Variants in ZNF566 observed in about 807,000 individuals in gnomAD.
The protein encoded by ZNF566 is zinc finger protein 566.
In ZNF566, 27 loss-of-function variants were observed where a neutral mutation model predicts 32.8. The ratio of observed to expected loss-of-function variants is 0.82; its 90% CI spans 0.61 to 1.14. The LOEUF is 1.14. ZNF566 is among the 50% of genes most tolerant of loss of function. The pLI, the probability that ZNF566 is intolerant of heterozygous loss-of-function variation, is 0.00. For missense variants in ZNF566, 402 were observed against 490.4 expected, an observed-to-expected ratio of 0.82 and a Z score of 1.70; for synonymous variants, 154 against 159.5, an observed-to-expected ratio of 0.97 and a Z score of 0.26.
chr19:36,467,802 A>G (rs1435622934), intron 4 of ZNF566, among the ~76,000 whole-genome samples: 368 of 21,566 alleles, frequency 0.017, 16 homozygotes, highest in African/African-American at 0.061. Flanking sequence ...AAAAAAAAAA[A>G]AAAAAAAAAA....
At position 36,447,205 on chromosome 19, in the gene ZNF566, TG is replaced by T. The variant is rs2033016130; in HGVS notation, c.*1771del. 6.6e-6 allele frequency: 1 copy of T among 152,014 alleles called. No homozygotes were observed. Among genetic ancestry groups the T allele is most frequent in the Non-Finnish European group, 1.5e-5 (1 of 68,006 alleles). The allele number at this position is 152,014 out of a possible 1,614,324, so 9.4% of individuals were successfully genotyped here. On this transcript the variant is annotated 3_prime_UTR_variant, in exon 5 of 5. Coordinates refer to ENST00000452939, the MANE Select transcript of ZNF566 (RefSeq NM_001145344.1). ...TAAGTTTTGTATTTTTGAGTAAAAA[TG>T]GGGTTTCAACATGTTGGCCAGGCTG...
chr19:36,471,232 AT>A (rs370497658), intron 4 of ZNF566, among the ~76,000 whole-genome samples: 55 of 144,864 alleles, frequency 3.8e-4, no homozygotes, highest in Non-Finnish European at 4.7e-4. Flanking sequence ...AAAAAAAAAA[AT>A]AATGAGTTGC....
intron 4 of ZNF566, among the ~76,000 whole-genome samples, chr19:36,467,485 G>T (rs1019506764): frequency 6.8e-6 from 1 of 147,094 alleles, no homozygotes; most frequent in Non-Finnish European, 1.5e-5. Context: ...TTGAAAATGT[G>T]TGCTAAAACT....
intron 4 of ZNF566, among the ~76,000 whole-genome samples, chr19:36,471,796 G>A (rs552732163): frequency 2.1e-4 from 32 of 152,096 alleles, no homozygotes; most frequent in African/African-American, 7.0e-4. Context: ...AGGCTGGAGT[G>A]CAGTGGCGTA....
Position 36,445,990 on chromosome 19 carries a change from A to T in ZNF566, c.*2987T>A, listed in dbSNP as rs2032983643. The T allele has an allele frequency of 6.6e-6, 1 of 152,260 alleles. No individual in the cohort carries two copies. The highest frequency in any genetic ancestry group is 2.1e-4 in the South Asian group (1 of 4,834). The allele number at this position is 152,260 out of a possible 1,614,324, so 9.4% of individuals were successfully genotyped here. ...AGTGGTTGAAAAGGCATTGGTAAATAACACTGTGGAACATACTGTAACCAT... is the reference window on the plus strand; with the variant it reads ...AGTGGTTGAAAAGGCATTGGTAAATTACACTGTGGAACATACTGTAACCAT... On this transcript the variant is annotated 3_prime_UTR_variant, in exon 5 of 5. Coordinates refer to ENST00000452939, the MANE Select transcript of ZNF566 (RefSeq NM_001145344.1).
At chr19:36,451,783 C>T (rs566347211) in intron 4 of ZNF566, among the ~76,000 whole-genome samples, 3 of 151,992 alleles carry the variant, frequency 2.0e-5, no homozygotes, top group Non-Finnish European at 4.4e-5. Context: ...CGAGGCGGGC[C>T]GATCACGAGG....
rs1406934616 is a variant in ZNF566 at position 36,445,738 on chromosome 19, G to C, written c.*3239C>G. On this transcript the variant is annotated 3_prime_UTR_variant, in exon 5 of 5. Coordinates refer to ENST00000452939, the MANE Select transcript of ZNF566 (RefSeq NM_001145344.1). The stretch of plus-strand genomic sequence containing the variant: ...GGAGGCTGAGGCAGGAGAATCTCTT[G>C]AACCCGGGAGGCGGAGATTGCAGTA... 1 of 152,216 alleles carries C rather than the reference G, an allele frequency of 6.6e-6. No individual in the cohort carries two copies. Among genetic ancestry groups the C allele is most frequent in the East Asian group, 1.9e-4 (1 of 5,194 alleles). The allele number at this position is 152,216 out of a possible 1,614,324, so 9.4% of individuals were successfully genotyped here.
Position 36,448,645 on chromosome 19 carries a change from A to G in ZNF566, c.*332T>C. On this transcript the variant is annotated 3_prime_UTR_variant, in exon 5 of 5. Transcript: ENST00000452939. ...AATTAGGGGAAAAAATGACAATCAC[A>G]GGACTACATTTCTACAAAAATTCTC... 1 of 183,190 alleles carries G rather than the reference A, an allele frequency of 5.5e-6. No homozygotes were observed. The allele number at this position is 183,190 out of a possible 1,614,324, so 11.3% of individuals were successfully genotyped here. A position where few individuals can be genotyped will look rare whatever the true frequency, so the allele number is the denominator to read the frequency against.
intron 1 of ZNF566, among the ~76,000 whole-genome samples, chr19:36,482,136 C>T (rs1021311014): frequency 6.6e-6 from 1 of 152,296 alleles, no homozygotes; most frequent in African/African-American, 2.4e-5. Context: ...GACGGAGTCT[C>T]GCTCTGTCGC....
intron 1 of ZNF566, among the ~76,000 whole-genome samples, chr19:36,486,868 C>T (rs1028466137): frequency 5.3e-5 from 8 of 151,160 alleles, no homozygotes; most frequent in African/African-American, 1.9e-4. Flanking sequence ...ACTTATAATC[C>T]CAGGATTTTG....
chr19:36,457,483 C>A (rs1044849609), intron 4 of ZNF566, among the ~76,000 whole-genome samples: 1 of 152,046 alleles, frequency 6.6e-6, no homozygotes, highest in African/African-American at 2.4e-5. Flanking sequence ...AAACAAATAA[C>A]CCAATTAAAA....
intron 1 of ZNF566, among the ~76,000 whole-genome samples, chr19:36,482,231 C>T (rs528538062): frequency 6.6e-6 from 1 of 152,096 alleles, no homozygotes; most frequent in Non-Finnish European, 1.5e-5. Context: ...TCAGCCTCTC[C>T]AGTAGCTGGG....
intron 1 of ZNF566, among the ~76,000 whole-genome samples, chr19:36,486,118 C>T (rs1160164114): frequency 6.6e-6 from 1 of 152,066 alleles, no homozygotes; most frequent in Admixed American, 6.6e-5. Context: ...CTGGCCAGTA[C>T]TCTTCAAAAG....
Position 36,449,014 on chromosome 19 carries a change from T to C in ZNF566, c.1220A>G (p.Asp407Gly), listed in dbSNP as rs1020579920. The C allele has an allele frequency of 3.7e-6, 6 of 1,602,692 alleles. No individual in the cohort carries two copies. The highest frequency in any genetic ancestry group is 2.2e-5 in the East Asian group (1 of 44,822). Residue 407 changes from aspartate (D) to glycine (G), a missense_variant, in exon 5 of 5, where the codon GAC becomes GGC. This residue lies in a region of ZNF566 where 47 missense variants were observed against 38.5 expected (regional missense o/e 1.22). Coordinates refer to ENST00000452939, the MANE Select transcript of ZNF566 (RefSeq NM_001145344.1). ...ATTTTGATGCTGAATAAGTTGTGGG[T>C]CATAATTAAAGTTCTTTCCACATTC... ...YRECGKNFNY[D>G]PQLIQHQNLY...
In ZNF566 at chr19:36,472,950, A is replaced by T; in HGVS notation, c.193T>A (p.Trp65Arg). 1.2e-6 allele frequency: 2 copies of T among 1,614,086 alleles called. No individual in the cohort carries two copies. The highest frequency in any genetic ancestry group is 1.7e-6 in the Non-Finnish European group (2 of 1,179,994). ...ISYLEQGKEP[W>R]LADRELTRGQ... Reference sequence around the variant, plus strand: ...CTTGTTAGCTCTCTGTCAGCCAACCAGGGCTCCTTCCCTTGCTCCAAGTAG... The same window carrying T: ...CTTGTTAGCTCTCTGTCAGCCAACCTGGGCTCCTTCCCTTGCTCCAAGTAG... Residue 65 changes from tryptophan (W) to arginine (R), a missense_variant, in exon 4 of 5, where the codon TGG becomes AGG. Physicochemically the swap from Trp to Arg is moderately radical, Grantham distance 101. Coordinates refer to ENST00000452939, the MANE Select transcript of ZNF566 (RefSeq NM_001145344.1).
intron 2 of ZNF566, 33 bp from the exon 3 acceptor site, chr19:36,473,491 A>G (rs368776896): frequency 2.1e-5 from 31 of 1,505,244 alleles, no homozygotes; most frequent in African/African-American, 2.8e-5. Context: ...GACTTCATTA[A>G]TTTTTTAAAA....
intron 1 of ZNF566, among the ~76,000 whole-genome samples, chr19:36,479,595 T>C (rs1296464767): frequency 2.6e-5 from 4 of 152,234 alleles, no homozygotes; most frequent in Non-Finnish European, 5.9e-5. Context: ...ATATGTACTA[T>C]AGATTGAATA....
At chr19:36,484,587 C>CTTTTTTTTTT (rs34052223) in intron 1 of ZNF566, among the ~76,000 whole-genome samples, 1 of 111,934 alleles carries the variant, frequency 8.9e-6, no homozygotes, top group Non-Finnish European at 1.7e-5. Context: ...GGCATAGTTT[C>CTTTTTTTTTT]TTTTTTTTTT....
At chr19:36,470,273 G>A (rs576319171) in intron 4 of ZNF566, among the ~76,000 whole-genome samples, 4 of 152,230 alleles carry the variant, frequency 2.6e-5, no homozygotes, top group Non-Finnish European at 4.4e-5. Context: ...TCTATGCTGC[G>A]TCCAGTAAGC....
Sources: gnomAD v4.1 joint callset for allele counts (sites outside exome capture counted in the v4.1 genomes callset) on GRCh38, gnomAD v4.1.1 for gene constraint, gnomAD v4.1.1 regional missense constraint, MANE v1.5 for transcripts, NCBI Gene and HGNC (gene_info 2026-07-23, HGNC 2026-07-21) for gene names.